Variants in TAFA5 observed in about 807,000 individuals in gnomAD.
TAFA5 encodes the protein TAFA chemokine like family member 5.
A neutral mutation model predicts 15.3 loss-of-function variants in TAFA5; 6 were observed. The observed-to-expected ratio is 0.39, with a 90% confidence interval of 0.21 to 0.77. TAFA5 has a LOEUF of 0.77. Ranked by LOEUF, TAFA5 falls within the 30% of genes least tolerant of loss-of-function variation. TAFA5 has a pLI of 0.41. For synonymous variants in TAFA5, 103 were observed against 80.7 expected, an observed-to-expected ratio of 1.28 and a Z score of -1.48; for missense variants, 161 against 193.1, an observed-to-expected ratio of 0.83 and a Z score of 0.98.
At chr22:48,663,726 A>G (rs569293507) in intron 2 of TAFA5, among the ~76,000 whole-genome samples, 44 of 152,364 alleles carry the variant, frequency 2.9e-4, no homozygotes, top group African/African-American at 9.9e-4. Flanking sequence ...CATCCGGTCC[A>G]TGAACCCTCC....
chr22:48,500,532 G>C (rs1037122524), intron 1 of TAFA5, among the ~76,000 whole-genome samples: 3 of 152,216 alleles, frequency 2.0e-5, no homozygotes, highest in East Asian at 1.9e-4. Flanking sequence ...GAGCAGCCCC[G>C]ATGCTGCTGA....
At position 48,568,219 on chromosome 22, in the gene TAFA5, C is replaced by A. The variant is rs377577246; in HGVS notation, c.113-78378C>A. 3.2e-4 allele frequency among the ~76,000 whole-genome samples: 48 copies of A among 152,358 alleles called. 1 individual carries two copies. The East Asian group carries it at 8.3e-3, about 26-fold the overall frequency. ...GTCAGCGAGAGAAAGCAGCACCTTC[C>A]CCCTGCCCTGGCCTGCGCCTCCATC... is the stretch of plus-strand genomic sequence containing the variant. On this transcript the variant is annotated intron_variant, in intron 1 of 3. Transcript: ENST00000402357.
intron 1 of TAFA5, among the ~76,000 whole-genome samples, chr22:48,618,492 G>A (rs536920836): frequency 6.6e-6 from 1 of 152,378 alleles, no homozygotes; most frequent in Admixed American, 6.5e-5. Flanking sequence ...TTTGCCTGGT[G>A]TTGGGTAACG....
chr22:48,658,659 G>A (rs571149589), intron 2 of TAFA5, among the ~76,000 whole-genome samples: 77 of 152,354 alleles, frequency 5.1e-4, no homozygotes, highest in African/African-American at 1.8e-3. Context: ...GCCCCACAAA[G>A]GGTGGAGCTG....
At chr22:48,736,811 C>T (rs919668085) in intron 3 of TAFA5, among the ~76,000 whole-genome samples, 13 of 152,158 alleles carry the variant, frequency 8.5e-5, no homozygotes, top group Non-Finnish European at 1.3e-4. Context: ...AATGAAGGCC[C>T]GTGGCCGCCA....
intron 1 of TAFA5, among the ~76,000 whole-genome samples, chr22:48,562,172 C>T (rs897358207): frequency 5.3e-5 from 8 of 152,158 alleles, no homozygotes; most frequent in Non-Finnish European, 1.2e-4. Context: ...GAGTCTCGCT[C>T]TGTCGCCCAG....
chr22:48,648,841 A>G (rs1851683841), intron 2 of TAFA5, among the ~76,000 whole-genome samples: 1 of 152,050 alleles, frequency 6.6e-6, no homozygotes, highest in African/African-American at 2.4e-5. Flanking sequence ...AAAACAAACA[A>G]AAAAAGAATG....
chr22:48,620,595 C>A (rs1309605503), intron 1 of TAFA5, among the ~76,000 whole-genome samples: 2 of 33,268 alleles, frequency 6.0e-5, no homozygotes, highest in African/African-American at 2.6e-4. Flanking sequence ...GTCCACCCAC[C>A]CCCCTACCCA....
chr22:48,688,957 A>G (rs1338109587), intron 2 of TAFA5, among the ~76,000 whole-genome samples: 4 of 146,282 alleles, frequency 2.7e-5, no homozygotes, highest in Admixed American at 1.4e-4. Flanking sequence ...GCACCACTGC[A>G]CTCCAGCCTG....
chr22:48,733,393 C>A (rs1048293542), intron 3 of TAFA5, among the ~76,000 whole-genome samples: 4 of 152,204 alleles, frequency 2.6e-5, no homozygotes, highest in African/African-American at 9.6e-5. Context: ...GGACACAGAA[C>A]CCAGTTGCCC....
rs944459751 is a variant in TAFA5 at position 48,534,282 on chromosome 22, C to T, written c.112+44578C>T. ...TCAGGTGAGGTGGATCAGGCAATTG[C>T]GGTGGGTAAGGCAGGTGAGGGGAGT... is the stretch of plus-strand genomic sequence containing the variant. On this transcript the variant is annotated intron_variant, in intron 1 of 3. Transcript: ENST00000402357. Among the ~76,000 whole-genome samples the T allele has an allele frequency of 4.0e-5, 6 of 149,394 alleles. No homozygotes were observed. In the East Asian group the frequency reaches 5.9e-4, roughly 15 times the overall value.
intron 2 of TAFA5, among the ~76,000 whole-genome samples, chr22:48,705,669 CTGCAGAGCGT>C (rs1267405373): frequency 2.0e-5 from 3 of 152,264 alleles, no homozygotes; most frequent in Admixed American, 2.0e-4. Context: ...GACTTGGGAA[CTGCAGAGCGT>C]TGTCCAAGCG....
intron 1 of TAFA5, among the ~76,000 whole-genome samples, chr22:48,575,045 C>T (rs1923713516): frequency 1.3e-5 from 2 of 152,296 alleles, no homozygotes; most frequent in East Asian, 1.9e-4. Context: ...GGCAGATGTG[C>T]CGTTTTCAGA....
intron 3 of TAFA5, among the ~76,000 whole-genome samples, chr22:48,720,073 A>G (rs1228002073): frequency 6.6e-6 from 1 of 152,210 alleles, no homozygotes; most frequent in East Asian, 1.9e-4. Context: ...TTTTAAATAC[A>G]TAAATGGCAA....
chr22:48,712,739 G>A (rs181792507), intron 3 of TAFA5, among the ~76,000 whole-genome samples: 17 of 152,190 alleles, frequency 1.1e-4, no homozygotes, highest in African/African-American at 3.6e-4. Flanking sequence ...CTCCTTCTTG[G>A]CCCGCCACTC....
Position 48,654,056 on chromosome 22 carries a change from C to G in TAFA5, c.262+7310C>G, listed in dbSNP as rs1267553364. ...CTCCTTGCTCTAGCCTCTCCATGTC[C>G]CGTCACGTCGGCACGGTGGCTCTGC... is the stretch of plus-strand genomic sequence containing the variant. On this transcript the variant is annotated intron_variant, in intron 2 of 3. Coordinates refer to ENST00000402357, the MANE Select transcript of TAFA5 (RefSeq NM_001082967.3). 2.0e-5 allele frequency among the ~76,000 whole-genome samples: 3 copies of G among 151,920 alleles called. 1 individual carries two copies. The South Asian group carries it at 6.3e-4, about 32-fold the overall frequency.
intron 1 of TAFA5, among the ~76,000 whole-genome samples, chr22:48,600,172 T>A (rs895378279): frequency 7.2e-5 from 11 of 152,158 alleles, no homozygotes; most frequent in Non-Finnish European, 1.3e-4. Context: ...AGATCTCCCC[T>A]GTGTCAGTGA....
At chr22:48,676,476 G>A (rs1927974545) in intron 2 of TAFA5, among the ~76,000 whole-genome samples, 1 of 152,236 alleles carries the variant, frequency 6.6e-6, no homozygotes, top group Non-Finnish European at 1.5e-5. Context: ...GAGGCGCAGG[G>A]GGAACAGCCA....
chr22:48,507,278 CAT>C (rs1921032396), intron 1 of TAFA5, among the ~76,000 whole-genome samples: 1 of 125,006 alleles, frequency 8.0e-6, no homozygotes, highest in Admixed American at 7.5e-5. Context: ...AGGAGACAGT[CAT>C]CAAGGGCCAG....
Sources: allele counts gnomAD v4.1 joint callset (sites outside exome capture counted in the v4.1 genomes callset), GRCh38; gene constraint gnomAD v4.1.1; transcripts MANE v1.5; gene names NCBI Gene and HGNC (gene_info 2026-07-23, HGNC 2026-07-21).